KIFC3: variants seen among roughly 807,000 people sequenced by gnomAD.
The protein encoded by KIFC3 is kinesin family member C3.
KIFC3 carries 60 observed loss-of-function variants against 101.8 expected under a neutral mutation model. That is an observed-to-expected ratio of 0.59 (90% confidence interval 0.48 to 0.73). The LOEUF is 0.73. Ranked by LOEUF, KIFC3 falls within the 30% of genes least tolerant of loss-of-function variation. The probability of loss-of-function intolerance (pLI) is 0.00; values close to 1 mark genes in which losing one functional copy is unlikely to be tolerated. For missense variants in KIFC3, 966 were observed against 1,137.1 expected (o/e 0.85, Z 2.16); for synonymous variants, 476 against 482.7 (o/e 0.99, Z 0.18).
chr16:57,812,772 T>G lies in KIFC3; in HGVS notation c.109-14490A>C, dbSNP rs148083788. 1.7e-3 allele frequency among the ~76,000 whole-genome samples: 260 copies of G among 152,272 alleles called. 1 individual carries two copies. Among genetic ancestry groups the G allele is most frequent in the African/African-American group, 6.1e-3 (253 of 41,558 alleles). On this transcript the variant is annotated intron_variant, in intron 1 of 2. Transcript: ENST00000563028. ...ACCGGGCTGGCCAGGGCGCTCTCAG[T>G]TGCCTGGAAACATCTTAACACTCCA... is the stretch of plus-strand genomic sequence containing the variant.
chr16:57,761,253 G>T, intron 14 of KIFC3, 82 bp from the exon 15 acceptor site: 1 of 1,588,942 alleles, frequency 6.3e-7, no homozygotes, highest in Non-Finnish European at 8.6e-7. Context: ...CCCATGAGGA[G>T]TGGCACCACC....
chr16:57,837,392 T>C (rs1318255703), intron 1 of KIFC3, among the ~76,000 whole-genome samples: 1 of 151,450 alleles, frequency 6.6e-6, no homozygotes, highest in Non-Finnish European at 1.5e-5. Flanking sequence ...TGCTTGAACC[T>C]GGAAGGCAGA....
chr16:57,798,512 G>A (rs1479491418), intron 1 of KIFC3: 10 of 582,946 alleles, frequency 1.7e-5, no homozygotes, highest in East Asian at 6.0e-5. Flanking sequence ...AAGTGCGAAA[G>A]TTGCATATCA....
intron 17 of KIFC3, 128 bp from the exon 18 acceptor site, chr16:57,759,964 T>G: frequency 1.5e-6 from 1 of 677,258 alleles, no homozygotes; most frequent in South Asian, 1.9e-5. Context: ...ATGGGCATGA[T>G]GTTTGTGCCC....
At chr16:57,813,575 C>T (rs1272607139) in intron 1 of KIFC3, 1 of 571,806 alleles carries the variant, frequency 1.7e-6, no homozygotes, top group Non-Finnish European at 2.2e-6. Flanking sequence ...ACTCTAACCA[C>T]CTTCTGAGAA....
chr16:57,836,670 G>T (rs1462288213), intron 1 of KIFC3, among the ~76,000 whole-genome samples: 1 of 152,072 alleles, frequency 6.6e-6, no homozygotes, highest in Non-Finnish European at 1.5e-5. Context: ...CCCTTTATGG[G>T]ACATCTCAGC....
intron 17 of KIFC3, 183 bp downstream of exon 17, chr16:57,760,099 C>A (rs1555594504): frequency 3.9e-6 from 3 of 762,904 alleles, no homozygotes; most frequent in African/African-American, 3.5e-5. Flanking sequence ...CCTCCGAGGC[C>A]AAGAAGAAAT....
chr16:57,850,502 C>G lies in KIFC3; in HGVS notation c.108+12227G>C, dbSNP rs2056031077. Among the ~76,000 whole-genome samples, 3 of 107,840 alleles carry G rather than the reference C, an allele frequency of 2.8e-5. No homozygotes were observed. In the Admixed American group the frequency reaches 3.9e-4, roughly 14 times the overall value. The allele number at this position is 107,840 out of a possible 152,430, so 70.7% of individuals were successfully genotyped here. A position where few individuals can be genotyped will look rare whatever the true frequency, so the allele number is the denominator to read the frequency against. ...TTTTTTTTTTTTTGAGATGGAGTCT[C>G]ACTCACTCTTTTGCCCAGGCTGGAA... is the stretch of plus-strand genomic sequence containing the variant. On this transcript the variant is annotated intron_variant, in intron 1 of 2. Coordinates refer to the KIFC3 transcript ENST00000563028.
At chr16:57,775,796 C>T (rs1481563121) in intron 3 of KIFC3, 13 of 985,564 alleles carry the variant, frequency 1.3e-5, no homozygotes, top group Non-Finnish European at 1.6e-5. Flanking sequence ...CACTAGGCGG[C>T]TGAAACGGTC....
At chr16:57,819,865 TTTTTA>T (rs1289191320) in intron 1 of KIFC3, among the ~76,000 whole-genome samples, 3 of 151,788 alleles carry the variant, frequency 2.0e-5, no homozygotes, top group African/African-American at 2.4e-5. Context: ...GGCCCTTTTA[TTTTTA>T]TTTTATTTAT....
At position 57,828,465 on chromosome 16, in the gene KIFC3, G is replaced by T. The variant is rs560651054; in HGVS notation, c.109-30183C>A. Among the ~76,000 whole-genome samples, 12 of 152,312 alleles carry T rather than the reference G, an allele frequency of 7.9e-5. 1 individual carries two copies. In the South Asian group the frequency reaches 2.5e-3, roughly 32 times the overall value. On this transcript the variant is annotated intron_variant, in intron 1 of 2. Coordinates refer to the KIFC3 transcript ENST00000563028. ...GGCAAAAAGGCCAAGAAGCCAACGT[G>T]GGTGGCGGGAGGGAGAGCTTGCCAA...
In KIFC3 at chr16:57,761,268, G is replaced by A. The variant is rs1282966993; in HGVS notation, c.1873-97C>T. On this transcript the variant is annotated intron_variant, in intron 14 of 19. Transcript: ENST00000445690. ...CCCATGAGGAGTGGCACCACCCTCCGCAGTTTAGATGAGGAAACTGAGGCT... is the reference window on the plus strand; with the variant it reads ...CCCATGAGGAGTGGCACCACCCTCCACAGTTTAGATGAGGAAACTGAGGCT... 1.7e-5 allele frequency: 26 copies of A among 1,574,686 alleles called. No individual in the cohort carries two copies. The East Asian group carries it at 1.8e-4, about 11-fold the overall frequency.
At chr16:57,862,193 C>CTTTTTTTTT (rs55718589) in intron 1 of KIFC3, among the ~76,000 whole-genome samples, 1 of 128,416 alleles carries the variant, frequency 7.8e-6, no homozygotes, top group Non-Finnish European at 1.6e-5. Flanking sequence ...CTACATCTGG[C>CTTTTTTTTT]TTTTTTTTTT....
rs1597941745 is a variant in KIFC3, at chr16:57,769,300, T to C, written c.1218+295A>G. Among the ~76,000 whole-genome samples the C allele has an allele frequency of 6.6e-6, 1 of 152,162 alleles. No individual in the cohort carries two copies. The highest frequency in any genetic ancestry group is 1.5e-5 in the Non-Finnish European group (1 of 68,030). Reference sequence around the variant, plus strand: ...ATCCGCCTGCCTCGGCCTCCCAAAGTGTTGGAATTACAGGTGTGAGCCACC... The same window carrying C: ...ATCCGCCTGCCTCGGCCTCCCAAAGCGTTGGAATTACAGGTGTGAGCCACC... On this transcript the variant is annotated intron_variant, in intron 9 of 19. Coordinates refer to ENST00000445690, the MANE Select transcript of KIFC3 (RefSeq NM_001130100.2). The surrounding 1 kb of genome is among the most constrained non-coding windows in gnomAD (Gnocchi z 4.3).
chr16:57,861,455 C>A (rs543920522), intron 1 of KIFC3, among the ~76,000 whole-genome samples: 9 of 152,274 alleles, frequency 5.9e-5, no homozygotes, highest in African/African-American at 1.9e-4. Flanking sequence ...CACTGCACAA[C>A]CTTAGATAAT....
chr16:57,803,973 C>T (rs2054870354), upstream of KIFC3, among the ~76,000 whole-genome samples: 1 of 152,124 alleles, frequency 6.6e-6, no homozygotes, highest in African/African-American at 2.4e-5. Flanking sequence ...ATTATAGTCC[C>T]TATGAGTTGA....
rs781970993 is a variant in KIFC3, at chr16:57,758,713, T to G, written c.*221A>C. On this transcript the variant is annotated 3_prime_UTR_variant, in exon 20 of 20. Coordinates refer to ENST00000445690, the MANE Select transcript of KIFC3 (RefSeq NM_001130100.2). ...GCCTTTCCGCCCATGCAATTTGCAC[T>G]CAGAGCCACAGCCGAGAGACACCGT... is the stretch of plus-strand genomic sequence containing the variant. 4.2e-5 allele frequency: 33 copies of G among 794,576 alleles called. No homozygotes were observed. In the South Asian group the frequency reaches 4.7e-4, roughly 11 times the overall value. The allele number at this position is 794,576 out of a possible 1,614,324, so 49.2% of individuals were successfully genotyped here.
intron 13 of KIFC3, 67 bp from the exon 14 acceptor site, chr16:57,761,603 C>T (rs2049863368): frequency 6.4e-7 from 1 of 1,561,578 alleles, no homozygotes; most frequent in Non-Finnish European, 8.7e-7. Context: ...CTGCACCCAG[C>T]CCCCCAGCCA....
Position 57,798,224 on chromosome 16 carries a change from G to A in KIFC3, c.20C>T (p.Thr7Met), listed in dbSNP as rs200050225. MVPSRRTWNLGATPSLR... is the reference protein window; with the variant it reads MVPSRRMWNLGATPSLR... The stretch of plus-strand genomic sequence containing the variant: ...CGAGGGCGTGGCTCCCAGGTTCCAC[G>A]TCCTGCGAGAGGGGACCATGGCCTG... Residue 7 changes from threonine to methionine, a missense_variant, in exon 2 of 20, where the codon ACG becomes ATG. Around this residue, in one of 2 missense-constraint regions of KIFC3, gnomAD observed 277 missense variants for 252.5 expected, o/e 1.10. Coordinates refer to ENST00000445690, the MANE Select transcript of KIFC3 (RefSeq NM_001130100.2). 2.4e-4 allele frequency: 373 copies of A among 1,550,502 alleles called. No homozygotes were observed. Among genetic ancestry groups the A allele is most frequent in the Non-Finnish European group, 3.1e-4 (351 of 1,147,894 alleles).
Sources: allele counts gnomAD v4.1 joint callset (sites outside exome capture counted in the v4.1 genomes callset), GRCh38; gene constraint gnomAD v4.1.1; regional missense constraint gnomAD v4.1.1; non-coding constraint Gnocchi (gnomAD v3.1); transcripts MANE v1.5; gene names NCBI Gene and HGNC (gene_info 2026-07-23, HGNC 2026-07-21).